Variants in ARHGAP39 observed in about 807,000 individuals in gnomAD.
ARHGAP39 encodes Rho GTPase activating protein 39, also known as rho GTPase-activating protein 39.
A neutral mutation model predicts 106.9 loss-of-function variants in ARHGAP39; 44 were observed. That is an observed-to-expected ratio of 0.41 (90% confidence interval 0.32 to 0.53). ARHGAP39 has a LOEUF of 0.53. Ranked by LOEUF, ARHGAP39 falls within the 20% of genes least tolerant of loss-of-function variation. The pLI, the probability that ARHGAP39 is intolerant of heterozygous loss-of-function variation, is 0.21. For missense variants in ARHGAP39, 1,496 were observed against 1,577.3 expected, an observed-to-expected ratio of 0.95 and a Z score of 0.87; for synonymous variants, 768 against 693.2, an observed-to-expected ratio of 1.11 and a Z score of -1.69.
chr8:144,567,105 C>T (rs370870048), intron 3 of ARHGAP39, among the ~76,000 whole-genome samples: 2 of 152,074 alleles, frequency 1.3e-5, no homozygotes, highest in Non-Finnish European at 2.9e-5. Context: ...ACTGAAGGCA[C>T]GAGCTGTTCC....
intron 1 of ARHGAP39, among the ~76,000 whole-genome samples, chr8:144,623,770 C>A (rs1344850463): frequency 6.6e-6 from 1 of 152,234 alleles, no homozygotes; most frequent in Non-Finnish European, 1.5e-5. Flanking sequence ...GGGCAAATGT[C>A]AGAGGCCGCA....
intron 1 of ARHGAP39, among the ~76,000 whole-genome samples, chr8:144,622,186 G>A (rs1820823747): frequency 6.6e-6 from 1 of 152,158 alleles, no homozygotes; most frequent in Non-Finnish European, 1.5e-5. Flanking sequence ...GGTCTGCACA[G>A]GCCCAAGGTG....
chr8:144,561,727 CTT>C (rs1818174200), intron 3 of ARHGAP39, among the ~76,000 whole-genome samples: 4 of 149,080 alleles, frequency 2.7e-5, no homozygotes, highest in African/African-American at 5.0e-5. Flanking sequence ...TTCCATCGGA[CTT>C]AATCCAGTGG....
At chr8:144,629,982 C>G (rs982664302) in intron 1 of ARHGAP39, among the ~76,000 whole-genome samples, 3 of 152,122 alleles carry the variant, frequency 2.0e-5, no homozygotes, top group African/African-American at 7.2e-5. Context: ...ATTCTAGCCC[C>G]AACCACCACA....
intron 2 of ARHGAP39, among the ~76,000 whole-genome samples, chr8:144,600,886 T>A (rs1275167682): frequency 6.6e-6 from 1 of 150,830 alleles, no homozygotes; most frequent in African/African-American, 2.4e-5. Context: ...CGTGCTCGTG[T>A]ACCTGTGCGT....
Position 144,529,372 on chromosome 8 carries a change from CTGGGGAGAAA to C in ARHGAP39, c.*1040_*1049del, listed in dbSNP as rs1183553123. 6.5e-6 allele frequency: 1 copy of C among 153,134 alleles called. No homozygotes were observed. 9.5% of individuals were successfully genotyped at this position (153,134 alleles called of 1,614,324 possible). A position where few individuals can be genotyped will look rare whatever the true frequency, so the allele number is the denominator to read the frequency against. ...ACTCTAAAAAATATATATATAAAAA[CTGGGGAGAAA>C]TTAAGTTTTACAACAATTGGAACTC... is the stretch of plus-strand genomic sequence containing the variant. On this transcript the variant is annotated 3_prime_UTR_variant, in exon 12 of 12. Transcript: ENST00000377307.
chr8:144,600,875 G>C (rs1188474590), intron 2 of ARHGAP39, among the ~76,000 whole-genome samples: 6 of 151,252 alleles, frequency 4.0e-5, no homozygotes, highest in Non-Finnish European at 7.4e-5. Context: ...AAGCGTGCGT[G>C]CGTGCTCGTG....
intron 7 of ARHGAP39, 133 bp from the exon 8 acceptor site, chr8:144,534,335 G>A: frequency 1.1e-6 from 1 of 889,682 alleles, no homozygotes; most frequent in Non-Finnish European, 1.8e-6. Context: ...CCCCTGCCCA[G>A]CACAGCGGGT....
intron 3 of ARHGAP39, among the ~76,000 whole-genome samples, chr8:144,558,296 T>C (rs1818020824): frequency 6.6e-6 from 1 of 152,148 alleles, no homozygotes. Context: ...TTTTTTTTTG[T>C]TTGGCTGGGG....
At chr8:144,663,893 G>A (rs1821896240) in intron 1 of ARHGAP39, among the ~76,000 whole-genome samples, 1 of 152,220 alleles carries the variant, frequency 6.6e-6, no homozygotes, top group African/African-American at 2.4e-5. Flanking sequence ...GGAGCCAGGT[G>A]CAGTGGCTCA....
Position 144,548,496 on chromosome 8 carries a change from G to A in ARHGAP39, c.597-7C>T, listed in dbSNP as rs370789465. Reference sequence around the variant, plus strand: ...CCACCGCAGCGAGGAGGTCCTGCGTGGGGGGTGGACGGGCACAGGTGACTG... The same window carrying A: ...CCACCGCAGCGAGGAGGTCCTGCGTAGGGGGTGGACGGGCACAGGTGACTG... On this transcript the variant is annotated splice_region_variant and splice_polypyrimidine_tract_variant and intron_variant, in intron 4 of 11. Transcript: ENST00000377307. This position sits in a 1 kb window ranked among gnomAD's most constrained non-coding sequence, Gnocchi z 7.4. 65 of 1,605,246 alleles carry A rather than the reference G, an allele frequency of 4.0e-5. No individual in the cohort carries two copies. Among genetic ancestry groups the A allele is most frequent in the African/African-American group, 5.3e-5 (4 of 74,844 alleles).
chr8:144,596,563 C>T (rs1433784284), intron 2 of ARHGAP39, among the ~76,000 whole-genome samples: 1 of 152,210 alleles, frequency 6.6e-6, no homozygotes, highest in Non-Finnish European at 1.5e-5. Flanking sequence ...TCCAGACTGG[C>T]CATGAGGGCT....
intron 1 of ARHGAP39, among the ~76,000 whole-genome samples, chr8:144,674,127 T>TG (rs1822171776): frequency 1.4e-5 from 2 of 145,440 alleles, no homozygotes; most frequent in South Asian, 4.7e-4. Flanking sequence ...TGGTGAGTGG[T>TG]GGGGGGCGGT....
At chr8:144,597,226 CTG>C (rs1213379331) in intron 2 of ARHGAP39, among the ~76,000 whole-genome samples, 1 of 152,204 alleles carries the variant, frequency 6.6e-6, no homozygotes, top group Non-Finnish European at 1.5e-5. Context: ...TGCGTTTGCT[CTG>C]TGAGGACGTG....
At position 144,637,880 on chromosome 8, in the gene ARHGAP39, G is replaced by A. The variant is rs1821214222; in HGVS notation, c.-81-32185C>T. Among the ~76,000 whole-genome samples the A allele has an allele frequency of 2.7e-5, 4 of 146,970 alleles. No individual in the cohort carries two copies. The South Asian group carries it at 8.5e-4, about 31-fold the overall frequency. ...TTTTTCTTTCTTTTTTTTTTTTTTA[G>A]AGAGGGGTCTTGCTATGTTGCTTAG... On this transcript the variant is annotated intron_variant, in intron 1 of 11. Coordinates refer to ENST00000377307, the MANE Select transcript of ARHGAP39 (RefSeq NM_025251.3).
intron 6 of ARHGAP39, among the ~76,000 whole-genome samples, chr8:144,542,355 C>T (rs1817227520): frequency 6.6e-6 from 1 of 151,936 alleles, no homozygotes; most frequent in Non-Finnish European, 1.5e-5. Context: ...GGGTGGTGAC[C>T]ACACAGTGCA....
At chr8:144,681,996 C>G (rs150568702) in intron 1 of ARHGAP39, among the ~76,000 whole-genome samples, 1 of 152,136 alleles carries the variant, frequency 6.6e-6, no homozygotes, top group South Asian at 2.1e-4. Context: ...CGGCCGGGTG[C>G]GGTGGCACAC....
chr8:144,642,212 C>T (rs1821329861), intron 1 of ARHGAP39, among the ~76,000 whole-genome samples: 1 of 152,156 alleles, frequency 6.6e-6, no homozygotes, highest in Non-Finnish European at 1.5e-5. Context: ...GGGCTGGGTG[C>T]AGTGGCTCAG....
chr8:144,534,544 C>T (rs1564833975), intron 7 of ARHGAP39, among the ~76,000 whole-genome samples: 1 of 152,224 alleles, frequency 6.6e-6, no homozygotes, highest in Non-Finnish European at 1.5e-5. Context: ...ACCCAGGGAG[C>T]TGTCCAGGTA....
Sources: allele counts gnomAD v4.1 joint callset (sites outside exome capture counted in the v4.1 genomes callset), GRCh38; gene constraint gnomAD v4.1.1; non-coding constraint Gnocchi (gnomAD v3.1); transcripts MANE v1.5; gene names NCBI Gene and HGNC (gene_info 2026-07-23, HGNC 2026-07-21).